Variants in GAK observed in about 807,000 individuals in gnomAD.
GAK encodes the protein cyclin-G-associated kinase.
Under a neutral mutation model 143.9 loss-of-function variants are expected in GAK, and 79 were observed. That is an observed-to-expected ratio of 0.55 (90% CI 0.46 to 0.66). The LOEUF (loss-of-function observed/expected upper bound fraction) is 0.66. GAK is among the 30% of genes least tolerant of loss of function. The pLI, the probability that GAK is intolerant of heterozygous loss-of-function variation, is 0.00. For synonymous variants in GAK, 881 were observed against 765.5 expected (o/e 1.15, Z -2.49); for missense variants, 1,693 against 1,779.7 (o/e 0.95, Z 0.88).
At chr4:855,283 A>G (rs1748938210) in intron 24 of GAK, among the ~76,000 whole-genome samples, 1 of 152,034 alleles carries the variant, frequency 6.6e-6, no homozygotes, top group Admixed American at 6.6e-5. Context: ...TAGTCCCACC[A>G]CACAAGCCCT....
intron 5 of GAK, among the ~76,000 whole-genome samples, chr4:899,732 G>A (rs3775121): frequency 0.33 from 49,567 of 152,096 alleles, 8,171 homozygotes; most frequent in Non-Finnish European, 0.35. Flanking sequence ...AGATGCAGAC[G>A]CTCTCCAACC....
intron 5 of GAK, 115 bp from the exon 6 acceptor site, chr4:898,273 G>T (rs554046756): frequency 8.1e-7 from 1 of 1,239,652 alleles, no homozygotes; most frequent in East Asian, 2.5e-5. Flanking sequence ...CACTCGCCCA[G>T]GGCCACGGCT....
At chr4:896,814 T>C (rs1006191846) in intron 6 of GAK, among the ~76,000 whole-genome samples, 4 of 152,220 alleles carry the variant, frequency 2.6e-5, no homozygotes, top group East Asian at 1.9e-4. Context: ...TCATGGCATG[T>C]CGGCACCGAC....
rs113265962 is a variant in GAK at position 864,632 on chromosome 4, C to G, written c.3166+490G>C. Among the ~76,000 whole-genome samples, 422 of 152,082 alleles carry G rather than the reference C, an allele frequency of 2.8e-3. 3 individuals carry two copies. The highest frequency in any genetic ancestry group is 9.9e-3 in the African/African-American group (410 of 41,494). On this transcript the variant is annotated intron_variant, in intron 23 of 27. Coordinates refer to ENST00000314167, the MANE Select transcript of GAK (RefSeq NM_005255.4). Reference sequence around the variant, plus strand: ...ACGTGACCCCCTTCCTGACAGGGCACGGGGCGTCGCAAACACGACTGCTGT... The same window carrying G: ...ACGTGACCCCCTTCCTGACAGGGCAGGGGGCGTCGCAAACACGACTGCTGT...
chr4:907,983 G>A (rs1377150355), intron 4 of GAK, among the ~76,000 whole-genome samples: 2 of 152,140 alleles, frequency 1.3e-5, no homozygotes, highest in African/African-American at 4.8e-5. Flanking sequence ...CGCTGGCCCC[G>A]GCCCTGTCCC....
intron 24 of GAK, chr4:852,361 C>A: frequency 3.4e-6 from 1 of 297,706 alleles, no homozygotes; most frequent in South Asian, 4.1e-5. Flanking sequence ...AGTGTCCCCA[C>A]GTCTGTAGCG....
chr4:859,159 G>A (rs994356572), intron 24 of GAK: 116 of 984,326 alleles, frequency 1.2e-4, no homozygotes, highest in Middle Eastern at 5.2e-4. Context: ...ACGTGGGACC[G>A]GAGACTCAGA....
At chr4:906,089 C>T (rs1163131069) in intron 4 of GAK, among the ~76,000 whole-genome samples, 2 of 152,180 alleles carry the variant, frequency 1.3e-5, no homozygotes, top group East Asian at 1.9e-4. Flanking sequence ...GTTGAGCTGG[C>T]GTGCCGTTAA....
intron 18 of GAK, among the ~76,000 whole-genome samples, chr4:875,324 A>C (rs1713618132): frequency 6.6e-6 from 1 of 152,274 alleles, no homozygotes; most frequent in African/African-American, 2.4e-5. Flanking sequence ...GAAAAGCGTA[A>C]GACACAACAA....
chr4:870,553 G>A (rs1220676933), intron 19 of GAK, among the ~76,000 whole-genome samples, 158 bp downstream of exon 19: 1 of 152,130 alleles, frequency 6.6e-6, no homozygotes, highest in Non-Finnish European at 1.5e-5. Flanking sequence ...CAACATCCAC[G>A]ACGGAGTTTC....
intron 1 of GAK, among the ~76,000 whole-genome samples, chr4:930,970 G>A (rs910179648): frequency 1.3e-5 from 2 of 152,204 alleles, no homozygotes; most frequent in African/African-American, 2.4e-5. Flanking sequence ...GAGGGTGAGG[G>A]CTTTTGTGTC....
chr4:870,932 G>A, intron 18 of GAK, 28 bp from the exon 19 acceptor site: 3 of 1,581,812 alleles, frequency 1.9e-6, no homozygotes, highest in Non-Finnish European at 2.6e-6. Flanking sequence ...CACCACTTAG[G>A]AAGGCCACCC....
At chr4:851,626 A>T in intron 25 of GAK, 124 bp downstream of exon 25, 1 of 985,598 alleles carries the variant, frequency 1.0e-6, no homozygotes, top group Non-Finnish European at 1.6e-6. Flanking sequence ...TCGTTCTCTG[A>T]GTGGCTTGGC....
At chr4:865,333 G>A in intron 22 of GAK, 89 bp from the exon 23 acceptor site, 1 of 1,540,318 alleles carries the variant, frequency 6.5e-7, no homozygotes, top group African/African-American at 1.4e-5. Context: ...CAGGGCCCTA[G>A]GAGCGGACAC....
At chr4:883,640 T>C (rs1715631378) in intron 12 of GAK, among the ~76,000 whole-genome samples, 177 bp from the exon 13 acceptor site, 2 of 152,200 alleles carry the variant, frequency 1.3e-5, no homozygotes, top group African/African-American at 2.4e-5. Context: ...TGGGTGGACC[T>C]AGGAGCATGG....
At chr4:868,266 C>T (rs534634403) in intron 20 of GAK, among the ~76,000 whole-genome samples, 1 of 152,212 alleles carries the variant, frequency 6.6e-6, no homozygotes, top group Non-Finnish European at 1.5e-5. Flanking sequence ...TGCTGCCAGC[C>T]TCCCCAGGCC....
chr4:880,807 C>A (rs1254456707), intron 15 of GAK, among the ~76,000 whole-genome samples: 1 of 152,230 alleles, frequency 6.6e-6, no homozygotes. Context: ...CATCTCTCTG[C>A]TCCTCCAAGG....
At chr4:868,851 T>G in intron 19 of GAK, 166 bp from the exon 20 acceptor site, 1 of 677,792 alleles carries the variant, frequency 1.5e-6, no homozygotes, top group Admixed American at 2.9e-5. Flanking sequence ...TCTGAACAGA[T>G]TCCTGCTATC....
At chr4:852,385 C>G in intron 24 of GAK, 1 of 235,706 alleles carries the variant, frequency 4.2e-6, no homozygotes, top group South Asian at 6.8e-5. Context: ...TAGAGGGCCA[C>G]CACCATCTGT....
Sources: gnomAD v4.1 joint callset for allele counts (sites outside exome capture counted in the v4.1 genomes callset) on GRCh38, gnomAD v4.1.1 for gene constraint, MANE v1.5 for transcripts, NCBI Gene and HGNC (gene_info 2026-07-23, HGNC 2026-07-21) for gene names.